The following WWOX variants were observed in gnomAD, a reference collection of about 807,000 sequenced individuals.
WWOX encodes the protein WW domain-containing oxidoreductase.
A neutral mutation model predicts 46.2 loss-of-function variants in WWOX; 69 were observed. The observed-to-expected ratio is 1.49, with a 90% CI of 1.23 to 1.82. WWOX has a LOEUF of 1.82. Ranked by LOEUF, WWOX falls within the 40% of genes most tolerant of loss-of-function variation. The pLI, the probability that WWOX is intolerant of heterozygous loss-of-function variation, is 0.00. For missense variants in WWOX, 919 were observed against 542.6 expected, an observed-to-expected ratio of 1.69 and a Z score of -6.89; for synonymous variants, 359 against 202.6, an observed-to-expected ratio of 1.77 and a Z score of -6.56.
intron 8 of WWOX, among the ~76,000 whole-genome samples, chr16:78,814,756 G>A (rs909336210): frequency 1.3e-5 from 2 of 152,222 alleles, no homozygotes; most frequent in Admixed American, 1.3e-4. Flanking sequence ...ACATGGCAGT[G>A]TATAAGACAT....
At chr16:78,599,214 C>T (rs998092489) in intron 8 of WWOX, among the ~76,000 whole-genome samples, 8 of 152,226 alleles carry the variant, frequency 5.3e-5, no homozygotes, top group East Asian at 1.9e-4. Flanking sequence ...AATGGGTCTG[C>T]GTCTTGCACA....
intron 4 of WWOX, among the ~76,000 whole-genome samples, chr16:78,137,417 A>G (rs2033834204): frequency 6.6e-6 from 1 of 152,138 alleles, no homozygotes; most frequent in Non-Finnish European, 1.5e-5. Context: ...CGTCAGCATC[A>G]CAGAGTTGTG....
intron 8 of WWOX, among the ~76,000 whole-genome samples, chr16:79,045,650 T>A (rs2048050512): frequency 6.6e-6 from 1 of 152,148 alleles, no homozygotes; most frequent in Non-Finnish European, 1.5e-5. Flanking sequence ...ACCTGAGTTT[T>A]GCATCTTGGC....
intron 5 of WWOX, among the ~76,000 whole-genome samples, chr16:78,313,613 G>C (rs888877636): frequency 3.9e-5 from 6 of 152,176 alleles, no homozygotes; most frequent in Non-Finnish European, 1.5e-5. Context: ...TGATCTGCCT[G>C]CCTTGGCCTC....
intron 8 of WWOX, among the ~76,000 whole-genome samples, chr16:78,762,704 A>G (rs773902369): frequency 1.6e-4 from 25 of 152,188 alleles, no homozygotes; most frequent in Non-Finnish European, 2.5e-4. Context: ...TGAGAACAGC[A>G]GCTCTGAATT....
rs148451697 is a variant in WWOX, at chr16:78,970,045, G to C, written c.1057-241563G>C. Among the ~76,000 whole-genome samples the C allele has an allele frequency of 1.4e-3, 216 of 152,316 alleles. 1 individual carries two copies. The highest frequency in any genetic ancestry group is 3.3e-3 in the East Asian group (17 of 5,178). ...GCTGTTAAAAAATTGTATGAAAACT[G>C]TGATGGGATTCAAGTAGTCTAACGC... On this transcript the variant is annotated intron_variant, in intron 8 of 8. Transcript: ENST00000566780.
chr16:78,525,412 C>G (rs778686799), intron 8 of WWOX: 1 of 151,824 alleles, frequency 6.6e-6, no homozygotes, highest in Admixed American at 6.6e-5. Context: ...GTCTCGATCT[C>G]CTGACCTCGT....
intron 5 of WWOX, among the ~76,000 whole-genome samples, chr16:78,269,656 C>T (rs77265505): frequency 0.019 from 2,908 of 152,316 alleles, 49 homozygotes; most frequent in Middle Eastern, 0.075. Context: ...TAATGGAAGC[C>T]TTTTGAATCA....
At position 78,670,361 on chromosome 16, in the gene WWOX, T is replaced by A. The variant is rs1285640275; in HGVS notation, c.1056+237609T>A. On this transcript the variant is annotated intron_variant, in intron 8 of 8. Transcript: ENST00000566780. ...TTCCAAGCTCCCCAGTGACCCTGGT[T>A]CATCCCGGAAATATGCAGGAAAAGC... 1.3e-5 allele frequency among the ~76,000 whole-genome samples: 2 copies of A among 152,320 alleles called. 1 individual carries two copies. Among genetic ancestry groups the A allele is most frequent in the East Asian group, 3.9e-4 (2 of 5,182 alleles).
At chr16:78,898,631 T>C (rs2044755761) in intron 8 of WWOX, 2 of 152,168 alleles carry the variant, frequency 1.3e-5, no homozygotes, top group South Asian at 4.1e-4. Context: ...CCTGATCAGC[T>C]TCTCCATTTC....
intron 1 of WWOX, among the ~76,000 whole-genome samples, chr16:78,101,070 C>G (rs1039930869): frequency 2.0e-5 from 3 of 151,072 alleles, no homozygotes. Context: ...TCTTTTGAGA[C>G]GGAGTCTTGC....
intron 8 of WWOX, among the ~76,000 whole-genome samples, chr16:79,023,972 AC>A (rs1014188494): frequency 2.0e-5 from 3 of 152,168 alleles, no homozygotes; most frequent in Non-Finnish European, 4.4e-5. Flanking sequence ...AACAAAAAAA[AC>A]ATTATATTAA....
chr16:79,144,041 G>C (rs1344186361), intron 8 of WWOX, among the ~76,000 whole-genome samples: 1 of 152,146 alleles, frequency 6.6e-6, no homozygotes, highest in East Asian at 1.9e-4. Flanking sequence ...GTGACTACAG[G>C]CACAGGCCTC....
At position 79,047,239 on chromosome 16, in the gene WWOX, T is replaced by C. The variant is rs2048082195; in HGVS notation, c.1057-164369T>C. 3.3e-5 allele frequency among the ~76,000 whole-genome samples: 5 copies of C among 152,296 alleles called. No individual in the cohort carries two copies. The South Asian group carries it at 1.0e-3, about 32-fold the overall frequency. ...GAGACACAAATTGTCCTTACCCTCA[T>C]GGATTCACCATGTATTTAAAGGCCA... is the stretch of plus-strand genomic sequence containing the variant. On this transcript the variant is annotated intron_variant, in intron 8 of 8. Coordinates refer to ENST00000566780, the MANE Select transcript of WWOX (RefSeq NM_016373.4).
chr16:78,945,558 G>A lies in WWOX; in HGVS notation c.1057-266050G>A, dbSNP rs74326911. ...CCGGCCACTTCTGCCAAAATATGCTGGCCTTTTAGTCTTTTGGTTTTTTCT... is the reference window on the plus strand; with the variant it reads ...CCGGCCACTTCTGCCAAAATATGCTAGCCTTTTAGTCTTTTGGTTTTTTCT... On this transcript the variant is annotated intron_variant, in intron 8 of 8. Coordinates refer to ENST00000566780, the MANE Select transcript of WWOX (RefSeq NM_016373.4). Among the ~76,000 whole-genome samples the A allele has an allele frequency of 6.0e-3, 909 of 152,242 alleles. 10 individuals carry two copies. Among genetic ancestry groups the A allele is most frequent in the African/African-American group, 0.02 (846 of 41,566 alleles).
At chr16:78,704,490 A>G (rs2048291301) in intron 8 of WWOX, among the ~76,000 whole-genome samples, 1 of 152,166 alleles carries the variant, frequency 6.6e-6, no homozygotes, top group Admixed American at 6.5e-5. Flanking sequence ...CTCATTAGGC[A>G]CTGACGGGCT....
chr16:78,384,950 A>G (rs2151932469), intron 5 of WWOX, among the ~76,000 whole-genome samples: 1 of 152,292 alleles, frequency 6.6e-6, no homozygotes, highest in Admixed American at 6.5e-5. Context: ...CCTGGCCAAC[A>G]TGGTGAAACC....
chr16:78,854,815 C>G (rs2052529869), intron 8 of WWOX, among the ~76,000 whole-genome samples: 1 of 152,044 alleles, frequency 6.6e-6, no homozygotes, highest in Non-Finnish European at 1.5e-5. Context: ...CCCCCGACCT[C>G]AGGTGATCTG....
At chr16:78,370,796 G>A (rs1435429098) in intron 5 of WWOX, among the ~76,000 whole-genome samples, 2 of 148,970 alleles carry the variant, frequency 1.3e-5, no homozygotes, top group African/African-American at 2.5e-5. Context: ...TTTGGGGGGG[G>A]GGGGGCAATG....
Sources: gnomAD v4.1 joint callset for allele counts (sites outside exome capture counted in the v4.1 genomes callset) on GRCh38, gnomAD v4.1.1 for gene constraint, MANE v1.5 for transcripts, NCBI Gene and HGNC (gene_info 2026-07-23, HGNC 2026-07-21) for gene names.